The following CACNA1D variants were observed in gnomAD, a reference collection of about 807,000 sequenced individuals.
CACNA1D encodes voltage-dependent L-type calcium channel subunit alpha-1D.
A neutral mutation model predicts 257.1 loss-of-function variants in CACNA1D; 55 were observed. The observed-to-expected ratio is 0.21, with a 90% CI of 0.17 to 0.27. CACNA1D has a LOEUF of 0.27. Among genes scored for constraint, CACNA1D ranks in the 10% least tolerant of loss-of-function variants. The pLI, the probability that CACNA1D is intolerant of heterozygous loss-of-function variation, is 1.00. For synonymous variants in CACNA1D, 980 were observed against 1,014.9 expected (o/e 0.97, Z 0.65); for missense variants, 1,876 against 2,784.0 (o/e 0.67, Z 7.34).
chr3:53,747,875 T>A (rs1485697539), intron 26 of CACNA1D, among the ~76,000 whole-genome samples: 3 of 152,246 alleles, frequency 2.0e-5, no homozygotes, highest in Non-Finnish European at 4.4e-5. Context: ...ACTGAGCACC[T>A]GCTCGCTCAT....
chr3:53,698,292 G>A (rs1471555661), intron 8 of CACNA1D, among the ~76,000 whole-genome samples: 1 of 152,138 alleles, frequency 6.6e-6, no homozygotes, highest in Non-Finnish European at 1.5e-5. Flanking sequence ...AGCAGCATTA[G>A]CACATGTACT....
At chr3:53,796,996 G>A (rs2095510391) in intron 40 of CACNA1D, among the ~76,000 whole-genome samples, 1 of 152,136 alleles carries the variant, frequency 6.6e-6, no homozygotes, top group Non-Finnish European at 1.5e-5. Flanking sequence ...ATAGTATTTT[G>A]CTGATAGAGG....
At chr3:53,730,842 A>G (rs1008128599) in intron 16 of CACNA1D, among the ~76,000 whole-genome samples, 1 of 152,280 alleles carries the variant, frequency 6.6e-6, no homozygotes, top group African/African-American at 2.4e-5. Flanking sequence ...GATGCATTCA[A>G]TGCTGATTAG....
In CACNA1D at chr3:53,780,011, C is replaced by T. The variant is rs2095417686; in HGVS notation, c.4588-15C>T. 8.9e-6 allele frequency: 14 copies of T among 1,574,164 alleles called. No homozygotes were observed. Among genetic ancestry groups the T allele is most frequent in the African/African-American group, 1.3e-5 (1 of 74,282 alleles). Reference sequence around the variant, plus strand: ...CATTTGCATTCTACAAAGAAACCTTCCTTTCTGTTTACAGAGATTAGTTGC... The same window carrying T: ...CATTTGCATTCTACAAAGAAACCTTTCTTTCTGTTTACAGAGATTAGTTGC... On this transcript the variant is annotated splice_polypyrimidine_tract_variant and intron_variant, in intron 37 of 47. Transcript: ENST00000350061.
chr3:53,676,332 A>T (rs1450160738), intron 8 of CACNA1D, among the ~76,000 whole-genome samples: 1 of 149,698 alleles, frequency 6.7e-6, no homozygotes, highest in Non-Finnish European at 1.5e-5. Flanking sequence ...TTACTTTCCC[A>T]TTGATATTTT....
At chr3:53,592,020 G>A (rs985236059) in intron 3 of CACNA1D, among the ~76,000 whole-genome samples, 2 of 152,082 alleles carry the variant, frequency 1.3e-5, no homozygotes, top group African/African-American at 4.8e-5. Flanking sequence ...CATTTCTCTC[G>A]TTCCTTCAGC....
Position 53,776,897 on chromosome 3 carries a change from C to G in CACNA1D, c.4528C>G (p.Arg1510Gly). Residue 1510 changes from arginine to glycine, a missense_variant, in exon 37 of 48, where the codon CGA becomes GGA. Physicochemically the swap from Arg to Gly is moderately radical, Grantham distance 125. Transcript: ENST00000350061. Reference protein sequence around the residue: ...IKHLDVVTLLRRIQPPLGFGK... With the variant: ...IKHLDVVTLLGRIQPPLGFGK... ...ACACCTTGATGTGGTCACTCTGCTT[C>G]GACGCATCCAGCCTCCCCTGGGGTT... is the stretch of plus-strand genomic sequence containing the variant. 6.2e-7 allele frequency: 1 copy of G among 1,614,134 alleles called. No homozygotes were observed. Among genetic ancestry groups the G allele is most frequent in the African/African-American group, 1.3e-5 (1 of 75,036 alleles).
chr3:53,590,916 C>CACATTTTT (rs2093294812), intron 3 of CACNA1D, among the ~76,000 whole-genome samples: 2 of 152,172 alleles, frequency 1.3e-5, no homozygotes, highest in Non-Finnish European at 2.9e-5. Context: ...TACAGAAGGC[C>CACATTTTT]CTACTGCCTG....
intron 3 of CACNA1D, among the ~76,000 whole-genome samples, chr3:53,538,257 C>T (rs573042853): frequency 8.8e-4 from 128 of 145,546 alleles, no homozygotes; most frequent in Non-Finnish European, 1.6e-3. Flanking sequence ...AAGCGTTTCT[C>T]GTGCCTTAGC....
chr3:53,557,405 A>T (rs2092665193), intron 3 of CACNA1D, among the ~76,000 whole-genome samples: 2 of 151,914 alleles, frequency 1.3e-5, no homozygotes, highest in African/African-American at 4.8e-5. Context: ...GGGGCAGGAG[A>T]ATTGCTTGAA....
intron 15 of CACNA1D, among the ~76,000 whole-genome samples, chr3:53,730,036 G>A (rs2094973997): frequency 6.6e-6 from 1 of 151,268 alleles, no homozygotes; most frequent in African/African-American, 2.5e-5. Flanking sequence ...TGTTGTAGTT[G>A]TAGTATGTGT....
chr3:53,644,349 A>G (rs1336345980), intron 3 of CACNA1D, among the ~76,000 whole-genome samples: 1 of 152,176 alleles, frequency 6.6e-6, no homozygotes, highest in Non-Finnish European at 1.5e-5. Flanking sequence ...AGTCTTAGCA[A>G]TTTTCAAGTA....
intron 3 of CACNA1D, among the ~76,000 whole-genome samples, chr3:53,568,320 T>C (rs2092884029): frequency 6.6e-6 from 1 of 152,232 alleles, no homozygotes; most frequent in Non-Finnish European, 1.5e-5. Context: ...GCATTGATGC[T>C]ACATTCAGGA....
chr3:53,517,461 C>T (rs1191178040), intron 3 of CACNA1D, among the ~76,000 whole-genome samples: 1 of 151,898 alleles, frequency 6.6e-6, no homozygotes. Flanking sequence ...AGCTGCATCA[C>T]CATTTTCTTT....
intron 3 of CACNA1D, among the ~76,000 whole-genome samples, chr3:53,557,504 G>A (rs926364445): frequency 4.8e-4 from 70 of 145,982 alleles, no homozygotes; most frequent in African/African-American, 1.9e-3. Context: ...CAAAAAAAAA[G>A]AAAAAAAGAA....
At chr3:53,545,186 G>A (rs529659547) in intron 3 of CACNA1D, among the ~76,000 whole-genome samples, 150 of 152,006 alleles carry the variant, frequency 9.9e-4, no homozygotes, top group Non-Finnish European at 1.9e-3. Context: ...TTCTGCCCAT[G>A]ACTATAATCC....
intron 3 of CACNA1D, among the ~76,000 whole-genome samples, chr3:53,511,470 C>T (rs553363257): frequency 3.9e-5 from 6 of 152,256 alleles, no homozygotes; most frequent in African/African-American, 1.2e-4. Context: ...GAATCTCCAG[C>T]GCAGGTCCTT....
chr3:53,710,713 C>CA (rs35006733), intron 9 of CACNA1D, among the ~76,000 whole-genome samples: 47,944 of 152,044 alleles, frequency 0.32, 7,787 homozygotes, highest in East Asian at 0.45. Context: ...TGAACCAACT[C>CA]AAAAAATGTA....
Position 53,789,798 on chromosome 3 carries a change from C to T in CACNA1D, c.4923+2846C>T, listed in dbSNP as rs2095474592. Among the ~76,000 whole-genome samples the T allele has an allele frequency of 6.6e-6, 1 of 152,234 alleles. No homozygotes were observed. The highest frequency in any genetic ancestry group is 1.5e-5 in the Non-Finnish European group (1 of 68,040). ...GATGGGCCCAAGACCTCTGCGCCCCCACCCCCAGGGAATGTTTTTTCAAGG... is the reference window on the plus strand; with the variant it reads ...GATGGGCCCAAGACCTCTGCGCCCCTACCCCCAGGGAATGTTTTTTCAAGG... On this transcript the variant is annotated intron_variant, in intron 40 of 47. Coordinates refer to ENST00000350061, the MANE Select transcript of CACNA1D (RefSeq NM_001128840.3). The surrounding 1 kb of genome is among the most constrained non-coding windows in gnomAD (Gnocchi z 4.2).
Sources: gnomAD v4.1 joint callset for allele counts (sites outside exome capture counted in the v4.1 genomes callset) on GRCh38, gnomAD v4.1.1 for gene constraint, Gnocchi (gnomAD v3.1) non-coding constraint, MANE v1.5 for transcripts, NCBI Gene and HGNC (gene_info 2026-07-23, HGNC 2026-07-21) for gene names.